IKBKG: variants seen among roughly 807,000 people sequenced by gnomAD.
The protein encoded by IKBKG is inhibitor of nuclear factor kappa B kinase regulatory subunit gamma, also known as NF-kappa-B essential modulator.
A neutral mutation model predicts 13.7 loss-of-function variants in IKBKG; 2 were observed. The observed-to-expected ratio is 0.15, with a 90% confidence interval of 0.06 to 0.46. IKBKG has a LOEUF of 0.46. Among genes scored for constraint, IKBKG ranks in the 20% least tolerant of loss-of-function variants. The probability of loss-of-function intolerance (pLI) is 0.98; values close to 1 mark genes in which losing one functional copy is unlikely to be tolerated. For synonymous variants in IKBKG, 22 were observed against 64.4 expected (o/e 0.34, Z 3.15); for missense variants, 53 against 150.3 (o/e 0.35, Z 3.39).
At chrX:154,546,167 G>C, upstream of IKBKG, 1 of 1,211,526 alleles carries the variant, frequency 8.3e-7, no homozygotes, top group Non-Finnish European at 1.1e-6. Flanking sequence ...ACGCTGTCTG[G>C]TGGAAGAAAG....
At chrX:154,549,865 C>T (rs940882226) in intron 1 of IKBKG, among the ~76,000 whole-genome samples, 3 of 111,883 alleles carry the variant, frequency 2.7e-5, no homozygotes, top group Non-Finnish European at 5.6e-5. Context: ...TTGTTTATTT[C>T]TCAGCATATT....
At chrX:154,546,273 G>A, upstream of IKBKG, 2 of 1,017,474 alleles carry the variant, frequency 2.0e-6, no homozygotes, top group Non-Finnish European at 1.4e-6. Context: ...ACACCTGATT[G>A]CCCAAATCAC....
At chrX:154,547,377 G>C (rs914974083), upstream of IKBKG, 2 of 755,184 alleles carry the variant, frequency 2.6e-6, no homozygotes, top group African/African-American at 4.5e-5. Context: ...CGGGGCGGCC[G>C]AGCGCCCCGA....
At chrX:154,550,254 G>C (rs781994998) in intron 1 of IKBKG, among the ~76,000 whole-genome samples, 1 of 105,175 alleles carries the variant, frequency 9.5e-6, no homozygotes, top group African/African-American at 3.5e-5. Flanking sequence ...GTGTGTGTGT[G>C]TGTGTATGTG....
chrX:154,549,092 A>G (rs1446303482), intron 1 of IKBKG, among the ~76,000 whole-genome samples: 2 of 106,812 alleles, frequency 1.9e-5, no homozygotes, highest in African/African-American at 3.4e-5. Context: ...CCTGGATTCA[A>G]GCGATTCTTC....
intron 2 of IKBKG, among the ~76,000 whole-genome samples, chrX:154,553,421 G>A (rs886144299): frequency 4.4e-5 from 5 of 112,926 alleles, no homozygotes; most frequent in African/African-American, 1.6e-4. Context: ...CGTGGGCAGA[G>A]ACAAGACCCA....
chrX:154,563,155 AG>A (rs1276785791), intron 7 of IKBKG, among the ~76,000 whole-genome samples: 7 of 29,581 alleles, frequency 2.4e-4, no homozygotes, highest in African/African-American at 2.1e-3. Flanking sequence ...CAGCCTCCTG[AG>A]TAGCTGGGAT....
chrX:154,544,546 C>T (rs918971508), upstream of IKBKG, among the ~76,000 whole-genome samples: 24 of 112,422 alleles, frequency 2.1e-4, no homozygotes, highest in Admixed American at 1.9e-4. Context: ...CCACCTGCCT[C>T]GGCCTCCCAA....
intron 1 of IKBKG, among the ~76,000 whole-genome samples, chrX:154,550,233 C>A (rs1212134367): frequency 9.9e-6 from 1 of 101,025 alleles, no homozygotes; most frequent in Admixed American, 1.1e-4. Flanking sequence ...TAGATGTGCT[C>A]TTGTGTGTGT....
chrX:154,547,111 T>G (rs1177084767), upstream of IKBKG: 5 of 148,629 alleles, frequency 3.4e-5, no homozygotes, highest in Non-Finnish European at 6.3e-5. Context: ...CGGGTGCAGC[T>G]CCGCGTAGTG....
At chrX:154,562,744 A>G (rs2071138368) in intron 6 of IKBKG, 66 bp from the exon 7 acceptor site, 2 of 246,659 alleles carry the variant, frequency 8.1e-6, no homozygotes, top group Non-Finnish European at 1.3e-5. Context: ...CATCCTTCTC[A>G]GTTCTTCTCA....
intron 1 of IKBKG, 49 bp downstream of exon 1, chrX:154,547,794 C>T (rs1302427022): frequency 1.3e-6 from 1 of 754,023 alleles, no homozygotes; most frequent in African/African-American, 2.3e-5. Context: ...GGCGTTCCGC[C>T]GCCTCCGAAA....
chrX:154,543,077 A>C (rs1333772027), upstream of IKBKG, among the ~76,000 whole-genome samples: 1 of 112,088 alleles, frequency 8.9e-6, no homozygotes, highest in Non-Finnish European at 1.9e-5. Context: ...GCGTGGAAGA[A>C]GCCTGGGAGC....
intron 1 of IKBKG, among the ~76,000 whole-genome samples, chrX:154,542,057 C>G (rs1319150320): frequency 1.8e-5 from 2 of 112,390 alleles, no homozygotes; most frequent in Non-Finnish European, 3.8e-5. Flanking sequence ...GAAAAACCAA[C>G]AAAAGGGCCT....
upstream of IKBKG, chrX:154,547,600 G>T (rs2070783925): frequency 6.6e-6 from 5 of 753,922 alleles, no homozygotes; most frequent in South Asian, 2.7e-4. Flanking sequence ...TTTACTTCCG[G>T]ATCCCACAGC....
At chrX:154,546,753 C>G (rs782562909), upstream of IKBKG, 1 of 1,091,974 alleles carries the variant, frequency 9.2e-7, no homozygotes, top group African/African-American at 1.8e-5. Flanking sequence ...GGACAGTACG[C>G]TCCTCCGCCT....
At chrX:154,546,858 C>G, upstream of IKBKG, 1 of 1,114,449 alleles carries the variant, frequency 9.0e-7, no homozygotes, top group Non-Finnish European at 1.2e-6. Context: ...GGGGCTGAGC[C>G]CCGCCGGCCC....
intron 2 of IKBKG, among the ~76,000 whole-genome samples, chrX:154,553,896 G>A (rs1258458176): frequency 4.4e-5 from 5 of 112,514 alleles, no homozygotes; most frequent in African/African-American, 1.6e-4. Flanking sequence ...TATTGAGGGG[G>A]ACTTGAGGGT....
chrX:154,548,897 A>T (rs782279088), intron 1 of IKBKG, among the ~76,000 whole-genome samples: 56 of 110,510 alleles, frequency 5.1e-4, no homozygotes, highest in African/African-American at 1.4e-3. Flanking sequence ...ACAGCTACCA[A>T]CTTCAACAAT....
Sources: gnomAD v4.1 joint callset for allele counts (sites outside exome capture counted in the v4.1 genomes callset) on GRCh38, gnomAD v4.1.1 for gene constraint, MANE v1.5 for transcripts, NCBI Gene and HGNC (gene_info 2026-07-23, HGNC 2026-07-21) for gene names.